KANK4: variants seen among roughly 807,000 people sequenced by gnomAD.
The protein encoded by KANK4 is KN motif and ankyrin repeat domains 4, also known as KN motif and ankyrin repeat domain-containing protein 4.
In KANK4, 50 loss-of-function variants were observed where a neutral mutation model predicts 80.8. That is an observed-to-expected ratio of 0.62 (90% confidence interval 0.49 to 0.78). KANK4 has a LOEUF of 0.78. Ranked by LOEUF, KANK4 falls within the 30% of genes least tolerant of loss-of-function variation. KANK4 has a pLI of 0.00. For missense variants in KANK4, 1,196 were observed against 1,240.1 expected, an observed-to-expected ratio of 0.96 and a Z score of 0.53; for synonymous variants, 465 against 506.9, an observed-to-expected ratio of 0.92 and a Z score of 1.11.
chr1:62,290,784 G>A (rs949453935), intron 1 of KANK4, among the ~76,000 whole-genome samples: 6 of 149,930 alleles, frequency 4.0e-5, no homozygotes, highest in African/African-American at 9.8e-5. Flanking sequence ...TCACTCTGTC[G>A]CCCAGGCTGG....
intron 1 of KANK4, among the ~76,000 whole-genome samples, chr1:62,298,544 T>C (rs1463014521): frequency 1.3e-5 from 2 of 152,114 alleles, no homozygotes; most frequent in Admixed American, 1.3e-4. Context: ...ATTTGTCTGG[T>C]TGGGGAGGAA....
intron 7 of KANK4, among the ~76,000 whole-genome samples, chr1:62,261,152 C>CT (rs11322195): frequency 0.074 from 5,077 of 68,308 alleles, 427 homozygotes; most frequent in African/African-American, 0.19. Flanking sequence ...CTCCCAATGG[C>CT]TTTTTTTTTT....
intron 1 of KANK4, among the ~76,000 whole-genome samples, chr1:62,289,579 C>G (rs1199139307): frequency 6.6e-6 from 1 of 151,966 alleles, no homozygotes; most frequent in Non-Finnish European, 1.5e-5. Context: ...CCAGTTTGTG[C>G]ATGTGCATAG....
intron 1 of KANK4, among the ~76,000 whole-genome samples, chr1:62,283,082 C>T (rs1440668687): frequency 7.9e-5 from 12 of 152,154 alleles, no homozygotes; most frequent in Admixed American, 6.5e-5. Context: ...CAGAGAACAC[C>T]GCTGCCTCTC....
At chr1:62,267,965 G>A (rs544344759) in intron 5 of KANK4, among the ~76,000 whole-genome samples, 1 of 152,298 alleles carries the variant, frequency 6.6e-6, no homozygotes, top group African/African-American at 2.4e-5. Flanking sequence ...GTAGAGTGGG[G>A]AGGTCACAAT....
chr1:62,252,078 T>C (rs910857713), intron 8 of KANK4, among the ~76,000 whole-genome samples: 1 of 151,990 alleles, frequency 6.6e-6, no homozygotes, highest in Non-Finnish European at 1.5e-5. Flanking sequence ...AATGGGCTAC[T>C]TTGGTAGTGC....
rs2149144694 is a variant in KANK4, at chr1:62,275,030, T to A, written c.74A>T (p.Tyr25Phe). ...AAAGCCATATGGGGTCTCCACAGAATAAGGGTGGCTCTTCGGAGGGTCTTT... is the reference window on the plus strand; with the variant it reads ...AAAGCCATATGGGGTCTCCACAGAAAAAGGGTGGCTCTTCGGAGGGTCTTT... Reference protein sequence around the residue: ...EEKDPPKSHPYSVETPYGFHL... With the variant: ...EEKDPPKSHPFSVETPYGFHL... The change falls in exon 3 of 10, where the codon TAT becomes TTT. Residue 25 changes from tyrosine (Y) to phenylalanine (F), a missense_variant. Coordinates refer to ENST00000371153, the MANE Select transcript of KANK4 (RefSeq NM_181712.5). 1 of 1,613,950 alleles carries A rather than the reference T, an allele frequency of 6.2e-7. No individual in the cohort carries two copies. The highest frequency in any genetic ancestry group is 1.1e-5 in the South Asian group (1 of 91,076).
chr1:62,256,316 A>G (rs906549633), intron 7 of KANK4, among the ~76,000 whole-genome samples: 13 of 152,010 alleles, frequency 8.6e-5, no homozygotes, highest in African/African-American at 3.1e-4. Flanking sequence ...AATTAGTGCT[A>G]TTTGCAAGTT....
chr1:62,296,799 C>CA (rs902255256), intron 1 of KANK4, among the ~76,000 whole-genome samples: 1 of 152,006 alleles, frequency 6.6e-6, no homozygotes, highest in Non-Finnish European at 1.5e-5. Context: ...CTTGGCCTCC[C>CA]AAAGTGTTAG....
chr1:62,274,790 T>A lies in KANK4; in HGVS notation c.314A>T (p.Glu105Val), dbSNP rs774160002. 1.6e-5 allele frequency: 26 copies of A among 1,613,890 alleles called. No individual in the cohort carries two copies. The East Asian group carries it at 5.6e-4, about 35-fold the overall frequency. Residue 105 changes from glutamate to valine, a missense_variant, in exon 3 of 10, where the codon GAG (glutamate) becomes GTG (valine). Transcript: ENST00000371153. The part of the protein sequence containing the change: ...VPREASLGTQ[E>V]QNQSPPLGNA... ...ACCAAGCGGTGGTGACTGGTTTTGC[T>A]CCTGTGTCCCAAGTGATGCCTCCCT... is the stretch of plus-strand genomic sequence containing the variant.
chr1:62,296,974 T>C (rs1026729105), intron 1 of KANK4, among the ~76,000 whole-genome samples: 7 of 150,598 alleles, frequency 4.6e-5, no homozygotes, highest in Non-Finnish European at 1.0e-4. Flanking sequence ...CCCAGCACTT[T>C]GGGAGGCCGA....
intron 1 of KANK4, among the ~76,000 whole-genome samples, chr1:62,307,501 C>T (rs915434745): frequency 8.4e-6 from 1 of 119,370 alleles, no homozygotes; most frequent in Admixed American, 8.6e-5. Flanking sequence ...AAAAAAAATT[C>T]CTGAGGAGTA....
Position 62,241,230 on chromosome 1 carries a change from A to G in KANK4, c.2884-2849T>C, listed in dbSNP as rs537416129. Among the ~76,000 whole-genome samples, 9 of 152,260 alleles carry G rather than the reference A, an allele frequency of 5.9e-5. No individual in the cohort carries two copies. The South Asian group carries it at 1.2e-3, about 21-fold the overall frequency. On this transcript the variant is annotated intron_variant, in intron 9 of 9. Coordinates refer to ENST00000371153, the MANE Select transcript of KANK4 (RefSeq NM_181712.5). ...GCCATCAGGGCTCCCACGCATGCAA[A>G]TAACTATAAAGCACGGCAAAGCACT...
intron 4 of KANK4, among the ~76,000 whole-genome samples, chr1:62,270,385 GC>G (rs1672131461): frequency 1.4e-5 from 2 of 146,822 alleles, no homozygotes; most frequent in African/African-American, 5.3e-5. Context: ...TCTTTGCTTT[GC>G]TTTTTTTTTT....
intron 1 of KANK4, among the ~76,000 whole-genome samples, chr1:62,298,682 C>T (rs1260005870): frequency 6.6e-6 from 1 of 152,220 alleles, no homozygotes; most frequent in Non-Finnish European, 1.5e-5. Context: ...AAGTAACACT[C>T]TCCACTGTAT....
intron 1 of KANK4, among the ~76,000 whole-genome samples, chr1:62,311,407 CA>C (rs916669640): frequency 6.7e-6 from 1 of 149,526 alleles, no homozygotes; most frequent in Admixed American, 6.7e-5. Context: ...TAAAAGGTAG[CA>C]AAAAAAAACA....
rs751731982 is a variant in KANK4 at position 62,260,673 on chromosome 1, C to T, written c.2539+2419G>A. Among the ~76,000 whole-genome samples the T allele has an allele frequency of 5.9e-5, 9 of 152,274 alleles. No individual in the cohort carries two copies. The East Asian group carries it at 9.6e-4, about 16-fold the overall frequency. On this transcript the variant is annotated intron_variant, in intron 7 of 9. Transcript: ENST00000371153. ...CTCCAAAGTCACCAGTGGCACTCTCCGTCCCCTCCATCTGCCAAACCCAGG... is the reference window on the plus strand; with the variant it reads ...CTCCAAAGTCACCAGTGGCACTCTCTGTCCCCTCCATCTGCCAAACCCAGG...
intron 1 of KANK4, among the ~76,000 whole-genome samples, chr1:62,289,522 A>G (rs1170652578): frequency 6.6e-6 from 1 of 152,184 alleles, no homozygotes; most frequent in East Asian, 1.9e-4. Flanking sequence ...CTCTGAGCAC[A>G]CCACGACTGT....
rs189842893 is a variant in KANK4 at position 62,305,391 on chromosome 1, C to T, written c.-71+13715G>A. On this transcript the variant is annotated intron_variant, in intron 1 of 9. Transcript: ENST00000371153. ...TGGCGTGATCTCGGCTCACTGCAAC[C>T]TCCGCTTCCCGGGTTCAAGCAATTC... Among the ~76,000 whole-genome samples the T allele has an allele frequency of 2.8e-4, 43 of 152,296 alleles. 1 individual carries two copies. Among genetic ancestry groups the T allele is most frequent in the South Asian group, 1.7e-3 (8 of 4,828 alleles).
Sources: gnomAD v4.1 joint callset for allele counts (sites outside exome capture counted in the v4.1 genomes callset) on GRCh38, gnomAD v4.1.1 for gene constraint, MANE v1.5 for transcripts, NCBI Gene and HGNC (gene_info 2026-07-23, HGNC 2026-07-21) for gene names.